The following CNTNAP2 variants were observed in gnomAD, a reference collection of about 807,000 sequenced individuals.
CNTNAP2 encodes the protein contactin-associated protein-like 2.
A neutral mutation model predicts 155.2 loss-of-function variants in CNTNAP2; 98 were observed. The ratio of observed to expected loss-of-function variants is 0.63; its 90% CI spans 0.54 to 0.75. CNTNAP2 has a LOEUF of 0.75. CNTNAP2 is among the 30% of genes least tolerant of loss of function. CNTNAP2 has a pLI of 0.00. For synonymous variants in CNTNAP2, 651 were observed against 631.2 expected, an observed-to-expected ratio of 1.03 and a Z score of -0.47; for missense variants, 1,727 against 1,688.1, an observed-to-expected ratio of 1.02 and a Z score of -0.40.
chr7:148,242,990 T>G lies in CNTNAP2; in HGVS notation c.3381+13211T>G, dbSNP rs187446184. 9.2e-5 allele frequency among the ~76,000 whole-genome samples: 14 copies of G among 152,236 alleles called. No individual in the cohort carries two copies. In the East Asian group the frequency reaches 2.3e-3, roughly 25 times the overall value. ...GGAGAGGGGCAACAAACCCCCCCTT[T>G]GTGGGTAGAAGAGAAGGTCTGGGCT... On this transcript the variant is annotated intron_variant, in intron 20 of 23. Transcript: ENST00000361727.
At chr7:147,380,091 G>T (rs898596852) in intron 9 of CNTNAP2, among the ~76,000 whole-genome samples, 3 of 151,886 alleles carry the variant, frequency 2.0e-5, no homozygotes, top group Non-Finnish European at 4.4e-5. Flanking sequence ...TATTGTTTCT[G>T]TTTCCTATTA....
At chr7:147,764,793 T>A (rs1322643091) in intron 13 of CNTNAP2, among the ~76,000 whole-genome samples, 5 of 151,772 alleles carry the variant, frequency 3.3e-5, no homozygotes, top group South Asian at 2.1e-4. Flanking sequence ...TTAATTTTTT[T>A]AAAAATCAGA....
intron 8 of CNTNAP2, among the ~76,000 whole-genome samples, chr7:147,136,875 A>T (rs1365248927): frequency 6.6e-6 from 1 of 151,940 alleles, no homozygotes; most frequent in Non-Finnish European, 1.5e-5. Context: ...TTATTTCAAA[A>T]TGTCTTAAAT....
At chr7:146,345,814 TTAG>T (rs1436391478) in intron 1 of CNTNAP2, among the ~76,000 whole-genome samples, 1 of 152,142 alleles carries the variant, frequency 6.6e-6, no homozygotes, top group African/African-American at 2.4e-5. Flanking sequence ...AAGCTATGTC[TTAG>T]TAGTATGGCA....
intron 1 of CNTNAP2, among the ~76,000 whole-genome samples, chr7:146,134,816 T>C (rs1797773061): frequency 6.6e-6 from 1 of 151,872 alleles, no homozygotes; most frequent in South Asian, 2.1e-4. Flanking sequence ...GGTTTGCCAG[T>C]ATTTTATTGA....
chr7:146,779,282 CA>C (rs1426187156), intron 2 of CNTNAP2, among the ~76,000 whole-genome samples: 2 of 152,040 alleles, frequency 1.3e-5, no homozygotes, highest in African/African-American at 4.8e-5. Flanking sequence ...AAGAAAAACA[CA>C]AACAAAAACT....
intron 9 of CNTNAP2, among the ~76,000 whole-genome samples, chr7:147,311,738 G>C (rs1157915808): frequency 3.3e-5 from 5 of 151,998 alleles, no homozygotes; most frequent in African/African-American, 9.7e-5. Flanking sequence ...TGATATTTTT[G>C]TTTGCATATC....
At chr7:147,983,109 CA>C (rs1801560486) in intron 15 of CNTNAP2, among the ~76,000 whole-genome samples, 1 of 150,950 alleles carries the variant, frequency 6.6e-6, no homozygotes, top group African/African-American at 2.4e-5. Context: ...ACATTTCCAA[CA>C]GGGGCGCACA....
intron 21 of CNTNAP2, among the ~76,000 whole-genome samples, chr7:148,362,584 G>A (rs1798646045): frequency 6.6e-6 from 1 of 152,218 alleles, no homozygotes; most frequent in Admixed American, 6.5e-5. Flanking sequence ...CATAGTGCTA[G>A]CCATCTCCCA....
chr7:146,249,939 G>T (rs1799729736), intron 1 of CNTNAP2, among the ~76,000 whole-genome samples: 1 of 152,000 alleles, frequency 6.6e-6, no homozygotes, highest in South Asian at 2.1e-4. Flanking sequence ...AGGGCTCTAT[G>T]CAGTGAAACA....
intron 1 of CNTNAP2, among the ~76,000 whole-genome samples, chr7:146,519,136 T>G (rs775622510): frequency 2.6e-4 from 39 of 152,020 alleles, no homozygotes; most frequent in Admixed American, 5.9e-4. Flanking sequence ...TGGTGTAATG[T>G]CTTATACAGT....
At chr7:147,101,106 G>A (rs1037648473) in intron 4 of CNTNAP2, among the ~76,000 whole-genome samples, 4 of 152,066 alleles carry the variant, frequency 2.6e-5, no homozygotes, top group Non-Finnish European at 4.4e-5. Flanking sequence ...AAGTTTGCGA[G>A]GAATTCAATC....
chr7:147,841,256 G>C (rs1798723059), intron 13 of CNTNAP2, among the ~76,000 whole-genome samples: 1 of 152,098 alleles, frequency 6.6e-6, no homozygotes, highest in Non-Finnish European at 1.5e-5. Flanking sequence ...TTGTATGTGT[G>C]GATATTTTTT....
chr7:146,363,330 C>G (rs1202949787), intron 1 of CNTNAP2, among the ~76,000 whole-genome samples: 6 of 152,136 alleles, frequency 3.9e-5, no homozygotes, highest in African/African-American at 1.4e-4. Context: ...TATCGTCTAT[C>G]TAACTTCTGT....
intron 19 of CNTNAP2, among the ~76,000 whole-genome samples, chr7:148,225,023 A>T (rs1306389162): frequency 6.6e-6 from 1 of 152,242 alleles, no homozygotes; most frequent in Non-Finnish European, 1.5e-5. Flanking sequence ...ATAGGGACAC[A>T]GCCAAACCAT....
At chr7:148,145,946 T>C (rs978438528) in intron 16 of CNTNAP2, among the ~76,000 whole-genome samples, 1 of 152,190 alleles carries the variant, frequency 6.6e-6, no homozygotes, top group African/African-American at 2.4e-5. Flanking sequence ...CAAAATTCCT[T>C]GGTACAATTA....
chr7:146,947,539 GTGTA>G (rs1466657040), intron 3 of CNTNAP2, among the ~76,000 whole-genome samples: 3 of 85,758 alleles, frequency 3.5e-5, no homozygotes, highest in African/African-American at 8.0e-5. Context: ...GTGTGTGTGT[GTGTA>G]TGTGTGTGTG....
intron 2 of CNTNAP2, among the ~76,000 whole-genome samples, chr7:146,824,096 C>T (rs1323040857): frequency 6.6e-6 from 1 of 152,060 alleles, no homozygotes; most frequent in African/African-American, 2.4e-5. Flanking sequence ...TCCATCTGTT[C>T]TCATTTTTCA....
chr7:146,869,988 A>G (rs1366811882), intron 3 of CNTNAP2, among the ~76,000 whole-genome samples: 2 of 152,068 alleles, frequency 1.3e-5, no homozygotes, highest in Non-Finnish European at 2.9e-5. Context: ...ATTTGCAAGT[A>G]TTTTTGCTGA....
Sources: gnomAD v4.1 joint callset for allele counts (sites outside exome capture counted in the v4.1 genomes callset) on GRCh38, gnomAD v4.1.1 for gene constraint, MANE v1.5 for transcripts, NCBI Gene and HGNC (gene_info 2026-07-23, HGNC 2026-07-21) for gene names.